Variants in FMN2 observed in about 807,000 individuals in gnomAD.
The protein encoded by FMN2 is formin 2.
A neutral mutation model predicts 142.3 loss-of-function variants in FMN2; 51 were observed. That is an observed-to-expected ratio of 0.36 (90% CI 0.29 to 0.45). FMN2 has a LOEUF of 0.45. FMN2 is among the 20% of genes least tolerant of loss of function. The probability of loss-of-function intolerance (pLI) is 1.00; values close to 1 mark genes in which losing one functional copy is unlikely to be tolerated. For missense variants in FMN2, 1,936 were observed against 2,122.8 expected, an observed-to-expected ratio of 0.91 and a Z score of 1.73; for synonymous variants, 882 against 869.8, an observed-to-expected ratio of 1.01 and a Z score of -0.25.
chr1:240,445,718 TG>T (rs1558111267), intron 16 of FMN2, among the ~76,000 whole-genome samples: 2 of 146,998 alleles, frequency 1.4e-5, no homozygotes, highest in African/African-American at 2.5e-5. Context: ...TTTTTTTTTC[TG>T]GAGAGAAAAT....
At chr1:240,232,769 G>T (rs1299007788) in intron 6 of FMN2, among the ~76,000 whole-genome samples, 2 of 152,064 alleles carry the variant, frequency 1.3e-5, no homozygotes, top group African/African-American at 4.8e-5. Flanking sequence ...TGGTTTCACA[G>T]ATTTCAGTAC....
At chr1:240,422,740 T>C (rs1674814915) in intron 15 of FMN2, among the ~76,000 whole-genome samples, 1 of 152,220 alleles carries the variant, frequency 6.6e-6, no homozygotes, top group Admixed American at 6.5e-5. Flanking sequence ...ATTTCCTTTT[T>C]TGTCTTATTG....
rs1672455101 is a variant in FMN2, at chr1:240,361,137, ATGTGTAT to A, written c.4858+5230_4858+5236del. 3.3e-3 allele frequency among the ~76,000 whole-genome samples: 403 copies of A among 121,148 alleles called. 2 individuals are homozygous for A. Among genetic ancestry groups the A allele is most frequent in the Middle Eastern group, 0.014 (3 of 218 alleles). The allele number at this position is 121,148 out of a possible 152,430, so 79.5% of individuals were successfully genotyped here. On this transcript the variant is annotated intron_variant, in intron 14 of 17. Transcript: ENST00000319653. ...AAGTATAATAATAATAAATAAATAT[ATGTGTAT>A]ATATATATATATATATATATATATA...
chr1:240,464,306 G>A (rs927583542), intron 16 of FMN2, among the ~76,000 whole-genome samples: 2 of 152,126 alleles, frequency 1.3e-5, no homozygotes, highest in African/African-American at 2.4e-5. Flanking sequence ...GCTCACCCAT[G>A]AGTCACAGTG....
At chr1:240,131,483 C>T (rs886585622) in intron 2 of FMN2, among the ~76,000 whole-genome samples, 53 of 152,096 alleles carry the variant, frequency 3.5e-4, no homozygotes, top group Admixed American at 1.4e-3. Context: ...CTGAGGTGGG[C>T]AGATCACCTG....
intron 1 of FMN2, among the ~76,000 whole-genome samples, chr1:240,108,178 G>T (rs1661684297): frequency 6.6e-6 from 1 of 152,158 alleles, no homozygotes; most frequent in African/African-American, 2.4e-5. Flanking sequence ...GCAGATGAGG[G>T]CAGGGAGTTC....
intron 14 of FMN2, among the ~76,000 whole-genome samples, chr1:240,369,025 C>T (rs1280238127): frequency 1.3e-5 from 2 of 151,556 alleles, no homozygotes; most frequent in Admixed American, 1.3e-4. Flanking sequence ...TATCATTTCA[C>T]ATAGGTACCG....
chr1:240,093,063 C>T lies in FMN2; in HGVS notation c.954C>T (p.Pro318=). 7.2e-7 allele frequency: 1 copy of T among 1,394,468 alleles called. No homozygotes were observed. Among genetic ancestry groups the T allele is most frequent in the Non-Finnish European group, 9.2e-7 (1 of 1,084,048 alleles). 86.4% of individuals were successfully genotyped at this position (1,394,468 alleles called of 1,614,324 possible). A position where few individuals can be genotyped will look rare whatever the true frequency, so the allele number is the denominator to read the frequency against. ...PAAQPAAKDS[P]SSTAFPFPEA... ...CGCAACCCGCGGCCAAAGACTCGCC[C>T]TCCTCCACGGCTTTCCCATTTCCCG... Residue 318 remains proline (P), a synonymous_variant, in exon 1 of 18, where the codon CCC becomes CCT. Transcript: ENST00000319653.
intron 8 of FMN2, among the ~76,000 whole-genome samples, chr1:240,303,077 A>G (rs2102975729): frequency 6.6e-6 from 1 of 151,864 alleles, no homozygotes; most frequent in South Asian, 2.1e-4. Flanking sequence ...AAAAAGAAGT[A>G]TATTTCCCTT....
intron 16 of FMN2, among the ~76,000 whole-genome samples, chr1:240,443,372 A>G (rs1033618034): frequency 6.6e-6 from 1 of 152,160 alleles, no homozygotes; most frequent in Non-Finnish European, 1.5e-5. Context: ...TGAAAAAACA[A>G]TCTAGACTTG....
chr1:240,194,582 T>C (rs568189331), intron 4 of FMN2, among the ~76,000 whole-genome samples: 1 of 152,348 alleles, frequency 6.6e-6, no homozygotes, highest in African/African-American at 2.4e-5. Context: ...GCCAGCTGTG[T>C]CTACTAACTG....
chr1:240,248,517 C>T (rs1395304507), intron 6 of FMN2, among the ~76,000 whole-genome samples: 1 of 150,756 alleles, frequency 6.6e-6, no homozygotes, highest in African/African-American at 2.4e-5. Flanking sequence ...TTGATGGACA[C>T]AGGTTGATTT....
At chr1:240,225,086 C>T (rs902122507) in intron 6 of FMN2, among the ~76,000 whole-genome samples, 3 of 152,118 alleles carry the variant, frequency 2.0e-5, no homozygotes, top group Non-Finnish European at 4.4e-5. Context: ...AGTTTCAATA[C>T]CTCTGTTAAA....
chr1:240,373,281 T>G (rs528960965), intron 14 of FMN2, among the ~76,000 whole-genome samples: 1 of 152,302 alleles, frequency 6.6e-6, no homozygotes, highest in South Asian at 2.1e-4. Context: ...AGCTGCTCGC[T>G]GACAGGTCAG....
chr1:240,329,555 T>A, intron 10 of FMN2, 87 bp downstream of exon 10: 1 of 1,514,794 alleles, frequency 6.6e-7, no homozygotes, highest in East Asian at 2.3e-5. Context: ...ATTCTTTTAT[T>A]TACTCTAAGT....
intron 7 of FMN2, among the ~76,000 whole-genome samples, chr1:240,275,080 G>GTTTTTTTTTTTTTTTTT (rs202193888): frequency 7.1e-6 from 1 of 141,112 alleles, no homozygotes. Context: ...TTTTTTTTAA[G>GTTTTTTTTTTTTTTTTT]TTTTTTTTTT....
intron 2 of FMN2, among the ~76,000 whole-genome samples, chr1:240,155,948 A>G (rs966800959): frequency 1.3e-5 from 2 of 150,608 alleles, no homozygotes; most frequent in Non-Finnish European, 2.9e-5. Flanking sequence ...AATATATATC[A>G]CCGTAAAGGG....
chr1:240,441,608 C>CT (rs371621331), intron 16 of FMN2, among the ~76,000 whole-genome samples: 1,393 of 125,110 alleles, frequency 0.011, 17 homozygotes, highest in Admixed American at 0.022. Context: ...GCATATTGGT[C>CT]TTTTTTTTTT....
intron 15 of FMN2, among the ~76,000 whole-genome samples, chr1:240,424,304 C>G (rs1173018148): frequency 1.3e-5 from 2 of 152,110 alleles, no homozygotes; most frequent in East Asian, 3.9e-4. Context: ...GAGAAATTCT[C>G]TTGGCAGTAG....
Sources: gnomAD v4.1 joint callset for allele counts (sites outside exome capture counted in the v4.1 genomes callset) on GRCh38, gnomAD v4.1.1 for gene constraint, MANE v1.5 for transcripts, NCBI Gene and HGNC (gene_info 2026-07-23, HGNC 2026-07-21) for gene names.